Variants in EPHA7 observed in about 807,000 individuals in gnomAD.
EPHA7 encodes the protein ephrin type-A receptor 7.
EPHA7 carries 25 observed loss-of-function variants against 112.6 expected under a neutral mutation model. That is an observed-to-expected ratio of 0.22 (90% CI 0.16 to 0.31). The LOEUF (loss-of-function observed/expected upper bound fraction) is 0.31. Among genes scored for constraint, EPHA7 ranks in the 10% least tolerant of loss-of-function variants. The pLI is 1.00. For synonymous variants in EPHA7, 437 were observed against 406.5 expected (o/e 1.07, Z -0.90); for missense variants, 962 against 1,212.6 (o/e 0.79, Z 3.07).
intron 5 of EPHA7, among the ~76,000 whole-genome samples, chr6:93,341,356 G>A (rs2127920801): frequency 6.6e-6 from 1 of 151,742 alleles, no homozygotes; most frequent in South Asian, 2.1e-4. Flanking sequence ...GACTACAACA[G>A]AAGGCAAATT....
intron 3 of EPHA7, among the ~76,000 whole-genome samples, chr6:93,365,861 C>T (rs1404690426): frequency 2.0e-5 from 3 of 151,984 alleles, no homozygotes; most frequent in Non-Finnish European, 2.9e-5. Flanking sequence ...AGGCATTTTA[C>T]GTGTGTGTTT....
intron 6 of EPHA7, among the ~76,000 whole-genome samples, chr6:93,271,180 C>A (rs1283642520): frequency 6.6e-6 from 1 of 151,602 alleles, no homozygotes; most frequent in Non-Finnish European, 1.5e-5. Flanking sequence ...AAAATGCAAC[C>A]TTAGCCATGA....
chr6:93,358,654 T>C (rs1459098757), intron 3 of EPHA7, among the ~76,000 whole-genome samples: 1 of 152,134 alleles, frequency 6.6e-6, no homozygotes, highest in Admixed American at 6.5e-5. Flanking sequence ...CAGGCCAAAG[T>C]CTGGAGCAGA....
At chr6:93,257,023 T>C (rs958633939) in intron 12 of EPHA7, among the ~76,000 whole-genome samples, 3 of 152,142 alleles carry the variant, frequency 2.0e-5, no homozygotes, top group Admixed American at 6.6e-5. Flanking sequence ...ATAATGTTAA[T>C]AGTCATACAT....
intron 3 of EPHA7, among the ~76,000 whole-genome samples, chr6:93,384,596 T>C (rs1777507325): frequency 6.6e-6 from 1 of 152,176 alleles, no homozygotes; most frequent in East Asian, 1.9e-4. Flanking sequence ...CGATTTCATA[T>C]GTCACCCACT....
intron 16 of EPHA7, 73 bp from the exon 17 acceptor site, chr6:93,243,613 G>A: frequency 9.8e-7 from 1 of 1,021,484 alleles, no homozygotes; most frequent in Non-Finnish European, 1.5e-6. Context: ...GTCATCAACT[G>A]TTTAATTAAA....
At chr6:93,282,053 G>A (rs1029481507) in intron 5 of EPHA7, among the ~76,000 whole-genome samples, 2 of 151,920 alleles carry the variant, frequency 1.3e-5, no homozygotes, top group African/African-American at 4.8e-5. Flanking sequence ...TCCAAAGTAT[G>A]TGCACAATGT....
At chr6:93,245,814 G>A (rs1769919690) in intron 15 of EPHA7, among the ~76,000 whole-genome samples, 1 of 152,162 alleles carries the variant, frequency 6.6e-6, no homozygotes, top group Non-Finnish European at 1.5e-5. Flanking sequence ...GGCCACGAGG[G>A]TGCTGTAGAG....
chr6:93,288,088 G>GC (rs1309314903), intron 5 of EPHA7, among the ~76,000 whole-genome samples: 1 of 151,932 alleles, frequency 6.6e-6, no homozygotes, highest in Non-Finnish European at 1.5e-5. Context: ...TTATCTACCC[G>GC]CAAGAAATGA....
intron 3 of EPHA7, among the ~76,000 whole-genome samples, chr6:93,396,430 T>A (rs185385556): frequency 1.3e-5 from 2 of 151,996 alleles, no homozygotes; most frequent in African/African-American, 2.4e-5. Context: ...CTACCCTGAC[T>A]AAAAGCATAT....
intron 5 of EPHA7, among the ~76,000 whole-genome samples, chr6:93,309,399 A>G (rs1270355002): frequency 6.6e-6 from 1 of 152,212 alleles, no homozygotes; most frequent in African/African-American, 2.4e-5. Context: ...TGCTGATATG[A>G]AGAAATTATT....
chr6:93,339,750 C>T (rs1775051434), intron 5 of EPHA7, among the ~76,000 whole-genome samples: 1 of 151,438 alleles, frequency 6.6e-6, no homozygotes, highest in Non-Finnish European at 1.5e-5. Flanking sequence ...TGTAAACAGC[C>T]CAGGCAATAC....
At chr6:93,380,647 T>C (rs1240946079) in intron 3 of EPHA7, among the ~76,000 whole-genome samples, 2 of 152,012 alleles carry the variant, frequency 1.3e-5, no homozygotes, top group Non-Finnish European at 2.9e-5. Flanking sequence ...GCTAAGGGAA[T>C]GAAAAAAGGA....
Position 93,265,562 on chromosome 6 carries a change from G to T in EPHA7, c.1634-860C>A, listed in dbSNP as rs1388136736. Among the ~76,000 whole-genome samples, 5 of 151,504 alleles carry T rather than the reference G, an allele frequency of 3.3e-5. No homozygotes were observed. The Admixed American group carries it at 3.3e-4, about 10-fold the overall frequency. On this transcript the variant is annotated intron_variant, in intron 7 of 16. Coordinates refer to ENST00000369303, the MANE Select transcript of EPHA7 (RefSeq NM_004440.4). The stretch of plus-strand genomic sequence containing the variant: ...ACTAGTGAAGTTTTATTTATATGAT[G>T]ATTCACAATTGTCATATTTTCCCAG...
intron 3 of EPHA7, among the ~76,000 whole-genome samples, chr6:93,360,157 A>G (rs941268266): frequency 6.6e-6 from 1 of 152,128 alleles, no homozygotes; most frequent in East Asian, 1.9e-4. Flanking sequence ...TACTAAACAT[A>G]ACAAAAATAT....
chr6:93,408,424 A>G (rs149752157), intron 3 of EPHA7, among the ~76,000 whole-genome samples: 53 of 152,202 alleles, frequency 3.5e-4, no homozygotes, highest in Middle Eastern at 3.4e-3. Context: ...CCAGTGGAAT[A>G]GCATTTTGCC....
At chr6:93,336,149 G>T (rs1043329471) in intron 5 of EPHA7, among the ~76,000 whole-genome samples, 5 of 152,010 alleles carry the variant, frequency 3.3e-5, no homozygotes, top group African/African-American at 1.2e-4. Flanking sequence ...TAGAATAAAA[G>T]TATTTTAATA....
intron 1 of EPHA7, among the ~76,000 whole-genome samples, chr6:93,415,031 G>A (rs1779158523): frequency 6.6e-6 from 1 of 151,730 alleles, no homozygotes; most frequent in African/African-American, 2.4e-5. Context: ...TTAGAATGAG[G>A]GTAGAAATTT....
chr6:93,245,423 A>C lies in EPHA7; in HGVS notation c.2757T>G (p.Thr919=), dbSNP rs1048575750. ...RPISPLLDQN[T]PDFTTFCSVG... ...CTGAACAAAAGGTAGTGAAATCAGG[A>C]GTGTTTTGATCCAGAAGAGGGCTTA... The change falls in exon 16 of 17, where the codon ACT becomes ACG. Residue 919 remains threonine (T), a synonymous_variant. Transcript: ENST00000369303. 11 of 1,613,722 alleles carry C rather than the reference A, an allele frequency of 6.8e-6. No individual in the cohort carries two copies. In the East Asian group the frequency reaches 2.5e-4, roughly 36 times the overall value.
Sources: allele counts gnomAD v4.1 joint callset (sites outside exome capture counted in the v4.1 genomes callset), GRCh38; gene constraint gnomAD v4.1.1; transcripts MANE v1.5; gene names NCBI Gene and HGNC (gene_info 2026-07-23, HGNC 2026-07-21).